Variants in SHISA9 observed in about 807,000 individuals in gnomAD.
SHISA9 encodes protein shisa-9.
A neutral mutation model predicts 38.0 loss-of-function variants in SHISA9; 13 were observed. The observed-to-expected ratio is 0.34, with a 90% CI of 0.22 to 0.54. The LOEUF is 0.54. Among genes scored for constraint, SHISA9 ranks in the 20% least tolerant of loss-of-function variants. The pLI, the probability that SHISA9 is intolerant of heterozygous loss-of-function variation, is 0.91. For synonymous variants in SHISA9, 275 were observed against 242.0 expected (o/e 1.14, Z -1.27); for missense variants, 538 against 575.8 (o/e 0.93, Z 0.67).
chr16:13,035,137 A>C (rs2073039214), intron 2 of SHISA9, among the ~76,000 whole-genome samples: 1 of 152,242 alleles, frequency 6.6e-6, no homozygotes, highest in Non-Finnish European at 1.5e-5. Context: ...TTATTATGGT[A>C]ACAGAAAACT....
the SHISA9 span, among the ~76,000 whole-genome samples, chr16:13,523,638 A>C: frequency 3.9e-5 from 6 of 152,246 alleles, no homozygotes; most frequent in African/African-American, 1.4e-4. Flanking sequence ...GGTGCTACAC[A>C]CTTTTGAACG....
chr16:13,539,141 T>C, the SHISA9 span, among the ~76,000 whole-genome samples: 1 of 151,090 alleles, frequency 6.6e-6, no homozygotes, highest in South Asian at 2.1e-4. Context: ...ATTTTTCTAT[T>C]TTTTTGAGAT....
chr16:13,422,146 C>T, the SHISA9 span, among the ~76,000 whole-genome samples: 9 of 151,992 alleles, frequency 5.9e-5, no homozygotes, highest in Admixed American at 1.3e-4. Context: ...CCAACCCACT[C>T]GTAAAATACG....
the SHISA9 span, among the ~76,000 whole-genome samples, chr16:13,363,033 T>A: frequency 2.0e-5 from 3 of 152,238 alleles, no homozygotes; most frequent in African/African-American, 4.8e-5. Flanking sequence ...GAGCTATGTT[T>A]CATTGAACTC....
the SHISA9 span, among the ~76,000 whole-genome samples, chr16:13,268,638 G>T: frequency 6.6e-6 from 1 of 152,188 alleles, no homozygotes; most frequent in Non-Finnish European, 1.5e-5. Flanking sequence ...TAATGGTCTT[G>T]TTCTCATCCT....
At chr16:13,540,340 G>T in the SHISA9 span, among the ~76,000 whole-genome samples, 1 of 151,970 alleles carries the variant, frequency 6.6e-6, no homozygotes, top group Non-Finnish European at 1.5e-5. Flanking sequence ...ACTTTCTTTG[G>T]CACCAAAGCA....
At chr16:13,507,893 C>G in the SHISA9 span, among the ~76,000 whole-genome samples, 2 of 152,178 alleles carry the variant, frequency 1.3e-5, no homozygotes, top group Admixed American at 6.5e-5. Context: ...CCGTCCGTGC[C>G]TTAGGTGCAC....
chr16:12,997,003 G>C (rs2072464915), intron 2 of SHISA9, among the ~76,000 whole-genome samples: 1 of 152,144 alleles, frequency 6.6e-6, no homozygotes, highest in Admixed American at 6.5e-5. Context: ...TTTACATACA[G>C]TGAGATGCAC....
the SHISA9 span, among the ~76,000 whole-genome samples, chr16:13,437,295 G>C: frequency 2.2e-3 from 339 of 152,226 alleles, 1 homozygote; most frequent in African/African-American, 7.7e-3. Context: ...ACATTAAAAG[G>C]CTCCCCTCCC....
chr16:13,090,550 T>C (rs2073763644), intron 2 of SHISA9, among the ~76,000 whole-genome samples: 1 of 152,222 alleles, frequency 6.6e-6, no homozygotes, highest in Non-Finnish European at 1.5e-5. Flanking sequence ...CCTTTACCAT[T>C]ATGTAATGGT....
the SHISA9 span, among the ~76,000 whole-genome samples, chr16:13,283,287 C>T: frequency 1.3e-5 from 2 of 152,066 alleles, no homozygotes; most frequent in Admixed American, 6.6e-5. Flanking sequence ...CTCTGTCTCC[C>T]CTGCAGATCT....
the SHISA9 span, among the ~76,000 whole-genome samples, chr16:13,276,142 A>G: frequency 3.5e-3 from 537 of 152,098 alleles, 13 homozygotes; most frequent in East Asian, 0.054. Context: ...CTTATAGCTT[A>G]ACTCCCACAT....
intron 2 of SHISA9, among the ~76,000 whole-genome samples, chr16:12,962,299 A>G (rs2071921757): frequency 6.6e-6 from 1 of 152,242 alleles, no homozygotes; most frequent in Admixed American, 6.5e-5. Flanking sequence ...GGTTGACCCC[A>G]GGCCTTCAGG....
the SHISA9 span, among the ~76,000 whole-genome samples, chr16:13,470,900 C>T: frequency 6.6e-6 from 1 of 151,894 alleles, no homozygotes; most frequent in Non-Finnish European, 1.5e-5. Context: ...GACCTGAAGA[C>T]AAGGACTTTA....
chr16:13,309,411 G>A, the SHISA9 span, among the ~76,000 whole-genome samples: 20 of 152,156 alleles, frequency 1.3e-4, no homozygotes, highest in Non-Finnish European at 1.9e-4. Flanking sequence ...GGGAGGCCGA[G>A]GTGGGTAGAT....
the SHISA9 span, among the ~76,000 whole-genome samples, chr16:13,308,189 G>A: frequency 2.0e-5 from 3 of 147,320 alleles, no homozygotes; most frequent in East Asian, 2.0e-4. Context: ...ACTTTCTAAC[G>A]CACACGACAT....
downstream of SHISA9, among the ~76,000 whole-genome samples, chr16:13,245,258 A>T (rs2051463443): frequency 6.6e-6 from 1 of 152,108 alleles, no homozygotes; most frequent in African/African-American, 2.4e-5. Flanking sequence ...CTAAATTTCA[A>T]CTAGAGGCCA....
At chr16:13,447,947 G>C in the SHISA9 span, among the ~76,000 whole-genome samples, 1 of 152,122 alleles carries the variant, frequency 6.6e-6, no homozygotes, top group African/African-American at 2.4e-5. Flanking sequence ...ATTAGGTGAG[G>C]GTGACGATCA....
the SHISA9 span, among the ~76,000 whole-genome samples, chr16:13,445,212 T>A: frequency 6.6e-6 from 1 of 151,996 alleles, no homozygotes; most frequent in Non-Finnish European, 1.5e-5. Flanking sequence ...TGTTATGTGC[T>A]TGTCTCCCTC....
Sources: gnomAD v4.1 joint callset for allele counts (sites outside exome capture counted in the v4.1 genomes callset) on GRCh38, gnomAD v4.1.1 for gene constraint, MANE v1.5 for transcripts, NCBI Gene and HGNC (gene_info 2026-07-23, HGNC 2026-07-21) for gene names.